The following ATAD5 variants were observed in gnomAD, a reference collection of about 807,000 sequenced individuals.
ATAD5 encodes ATPase family AAA domain-containing protein 5.
Under a neutral mutation model 176.9 loss-of-function variants are expected in ATAD5, and 58 were observed. The ratio of observed to expected loss-of-function variants is 0.33; its 90% CI spans 0.27 to 0.41. The LOEUF (loss-of-function observed/expected upper bound fraction) is 0.41, where lower values mean the gene tolerates loss of function less well. Ranked by LOEUF, ATAD5 falls within the 10% of genes least tolerant of loss-of-function variation. The probability of loss-of-function intolerance (pLI) is 1.00; values close to 1 mark genes in which losing one functional copy is unlikely to be tolerated. For synonymous variants in ATAD5, 640 were observed against 712.6 expected, an observed-to-expected ratio of 0.90 and a Z score of 1.62; for missense variants, 1,789 against 2,094.1, an observed-to-expected ratio of 0.85 and a Z score of 2.84.
At chr17:30,870,354 A>C (rs1908265004) in intron 14 of ATAD5, among the ~76,000 whole-genome samples, 1 of 151,954 alleles carries the variant, frequency 6.6e-6, no homozygotes, top group African/African-American at 2.4e-5. Flanking sequence ...CACATTCTGG[A>C]TTTGTCTGCT....
Position 30,879,371 on chromosome 17 carries a change from T to C in ATAD5, c.4013-52T>C. On this transcript the variant is annotated intron_variant, in intron 17 of 22. Transcript: ENST00000321990. ...AAGTATAACTTGAAAAAGTTATTTA[T>C]TGGTCTTAGTGTTTAAGAATTTTTT... is the stretch of plus-strand genomic sequence containing the variant. 9 of 1,572,410 alleles carry C rather than the reference T, an allele frequency of 5.7e-6. No individual in the cohort carries two copies. In the South Asian group the frequency reaches 8.0e-5, roughly 14 times the overall value.
chr17:30,875,062 A>G (rs1908579823), intron 14 of ATAD5, among the ~76,000 whole-genome samples: 1 of 152,112 alleles, frequency 6.6e-6, no homozygotes, highest in South Asian at 2.1e-4. Flanking sequence ...GAACACCTCT[A>G]ATATACAAGG....
chr17:30,840,466 C>T (rs1365962271), intron 3 of ATAD5, 151 bp from the exon 4 acceptor site: 2 of 518,362 alleles, frequency 3.9e-6, no homozygotes, highest in African/African-American at 4.0e-5. Context: ...CTAATGATAA[C>T]TAGACACATT....
chr17:30,842,582 G>A (rs921590553), intron 4 of ATAD5, among the ~76,000 whole-genome samples: 5 of 152,132 alleles, frequency 3.3e-5, no homozygotes, highest in African/African-American at 1.2e-4. Context: ...AATCTATGCT[G>A]ATGACAGGAA....
At chr17:30,846,194 G>A (rs1054205859) in intron 6 of ATAD5, among the ~76,000 whole-genome samples, 2 of 151,950 alleles carry the variant, frequency 1.3e-5, no homozygotes, top group Non-Finnish European at 2.9e-5. Flanking sequence ...CCATCAATTA[G>A]TTTGATTTCT....
At chr17:30,853,035 G>A (rs1331259007) in intron 6 of ATAD5, among the ~76,000 whole-genome samples, 1 of 151,448 alleles carries the variant, frequency 6.6e-6, no homozygotes, top group Non-Finnish European at 1.5e-5. Context: ...GATTACAGGC[G>A]CCTGCCACCA....
At chr17:30,862,822 T>G (rs540998995) in intron 10 of ATAD5, 11 of 152,150 alleles carry the variant, frequency 7.2e-5, no homozygotes, top group Admixed American at 2.6e-4. Context: ...ATATCCCTAA[T>G]CCAAAAATCT....
intron 18 of ATAD5, among the ~76,000 whole-genome samples, chr17:30,880,824 T>TA (rs1477961481): frequency 6.6e-6 from 1 of 152,078 alleles, no homozygotes; most frequent in Non-Finnish European, 1.5e-5. Context: ...TAAATGGAGT[T>TA]AAAATGCCCT....
At chr17:30,832,450 C>G (rs1170123019) in intron 1 of ATAD5, 37 bp downstream of exon 1, 1 of 1,488,420 alleles carries the variant, frequency 6.7e-7, no homozygotes, top group Non-Finnish European at 9.0e-7. Flanking sequence ...GTTCCTTCCT[C>G]TATCTTTTGG....
Position 30,834,545 on chromosome 17 carries a change from G to C in ATAD5, c.464G>C (p.Ser155Thr), listed in dbSNP as rs1567675957. 5 of 1,597,580 alleles carry C rather than the reference G, an allele frequency of 3.1e-6. No homozygotes were observed. Among genetic ancestry groups the C allele is most frequent in the Non-Finnish European group, 4.3e-6 (5 of 1,176,122 alleles). ...TTAAATAATGATTTTGTGGAAAGTAGTACTTCTGTTTTACGTTACAAGAAA... is the reference window on the plus strand; with the variant it reads ...TTAAATAATGATTTTGTGGAAAGTACTACTTCTGTTTTACGTTACAAGAAA... ...YSLNNDFVES[S>T]TSVLRYKKQV... Residue 155 changes from serine to threonine, a missense_variant, in exon 2 of 23, where the codon AGT becomes ACT. Ser to Thr is a moderately conservative substitution (Grantham distance 58). This residue lies in a region of ATAD5 where 696 missense variants were observed against 712.5 expected (regional missense o/e 0.98). Coordinates refer to ENST00000321990, the MANE Select transcript of ATAD5 (RefSeq NM_024857.5).
chr17:30,870,647 G>A (rs1398137983), intron 14 of ATAD5, among the ~76,000 whole-genome samples: 1 of 152,156 alleles, frequency 6.6e-6, no homozygotes, highest in African/African-American at 2.4e-5. Context: ...ATAGGCACCA[G>A]AAATGCTTCA....
chr17:30,857,416 A>G (rs1907348375), intron 8 of ATAD5, among the ~76,000 whole-genome samples: 1 of 151,978 alleles, frequency 6.6e-6, no homozygotes, highest in African/African-American at 2.4e-5. Context: ...GAATTTCTCC[A>G]TGTTGGTCAG....
chr17:30,835,735 G>C lies in ATAD5; in HGVS notation c.1654G>C (p.Val552Leu). The C allele has an allele frequency of 6.2e-7, 1 of 1,613,000 alleles. No homozygotes were observed. ...TATAGCAAATGATGACCTTCTAAAG[G>C]TTTCCTCTCTGTGTAACAATAATAA... ...EDIANDDLLK[V>L]SSLCNNNKLS... Residue 552 changes from valine to leucine, a missense_variant, in exon 2 of 23, where the codon GTT becomes CTT. This residue lies in a region of ATAD5 where 696 missense variants were observed against 712.5 expected (regional missense o/e 0.98). Coordinates refer to ENST00000321990, the MANE Select transcript of ATAD5 (RefSeq NM_024857.5).
At chr17:30,868,256 C>G in intron 11 of ATAD5, 77 bp from the exon 12 acceptor site, 1 of 1,226,920 alleles carries the variant, frequency 8.2e-7, no homozygotes, top group South Asian at 2.0e-5. Flanking sequence ...ATAACTTCCC[C>G]CGATAATCAT....
At chr17:30,876,702 CTTTTTTTTTTTTTTTTT>C (rs202065630) in intron 15 of ATAD5, 152 bp downstream of exon 15, 193 of 127,548 alleles carry the variant, frequency 1.5e-3, no homozygotes, top group South Asian at 5.0e-3. Context: ...ATTTTGTTTC[CTTTTTTTTTTTTTTTTT>C]TTTTTTTTTT....
At chr17:30,890,244 C>CATAG (rs1465708207) in intron 19 of ATAD5, among the ~76,000 whole-genome samples, 1 of 151,808 alleles carries the variant, frequency 6.6e-6, no homozygotes, top group Non-Finnish European at 1.5e-5. Context: ...AGTGTAAGCC[C>CATAG]ATAGCTTTAA....
At chr17:30,841,979 T>C (rs566849354) in intron 4 of ATAD5, among the ~76,000 whole-genome samples, 21 of 152,088 alleles carry the variant, frequency 1.4e-4, no homozygotes, top group African/African-American at 4.8e-4. Context: ...ATTAAAAAAA[T>C]AAAATAATGG....
chr17:30,832,412 A>G lies in ATAD5; in HGVS notation c.65A>G (p.Glu22Gly). ...CCTCCCGTGAAGGACTGCGAGATTGAGGTGAGGTTGAGTCGAGGATCTGTT... is the reference window on the plus strand; with the variant it reads ...CCTCCCGTGAAGGACTGCGAGATTGGGGTGAGGTTGAGTCGAGGATCTGTT... ...APPPVKDCEI[E>G]PCKKRKKDDD... Residue 22 changes from glutamate (E) to glycine (G), a missense_variant and splice_region_variant, in exon 1 of 23, where the codon GAG becomes GGG. Coordinates refer to ENST00000321990, the MANE Select transcript of ATAD5 (RefSeq NM_024857.5). 1 of 1,563,208 alleles carries G rather than the reference A, an allele frequency of 6.4e-7. No individual in the cohort carries two copies. The highest frequency in any genetic ancestry group is 1.8e-5 in the Admixed American group (1 of 54,478).
chr17:30,855,866 GA>G (rs563642866), intron 7 of ATAD5, among the ~76,000 whole-genome samples: 128 of 130,544 alleles, frequency 9.8e-4, no homozygotes, highest in African/African-American at 1.7e-3. Flanking sequence ...CTCAAAAAAA[GA>G]AAAAAAAAAA....
Sources: allele counts gnomAD v4.1 joint callset (sites outside exome capture counted in the v4.1 genomes callset), GRCh38; gene constraint gnomAD v4.1.1; regional missense constraint gnomAD v4.1.1; transcripts MANE v1.5; gene names NCBI Gene and HGNC (gene_info 2026-07-23, HGNC 2026-07-21).